Variants in TXNRD1 observed in about 807,000 individuals in gnomAD.
TXNRD1 encodes the protein thioredoxin reductase 1, cytoplasmic.
Under a neutral mutation model 80.3 loss-of-function variants are expected in TXNRD1, and 57 were observed. That is an observed-to-expected ratio of 0.71 (90% CI 0.57 to 0.89). The LOEUF (loss-of-function observed/expected upper bound fraction) is 0.89. Ranked by LOEUF, TXNRD1 falls within the 40% of genes least tolerant of loss-of-function variation. The pLI, the probability that TXNRD1 is intolerant of heterozygous loss-of-function variation, is 0.00. For synonymous variants in TXNRD1, 291 were observed against 285.2 expected (o/e 1.02, Z -0.20); for missense variants, 730 against 803.0 (o/e 0.91, Z 1.10).
intron 3 of TXNRD1, chr12:104,287,266 G>T: frequency 2.5e-6 from 4 of 1,613,912 alleles, no homozygotes; most frequent in Non-Finnish European, 3.4e-6. Context: ...CTGAGCAGAC[G>T]GGGAGGCTTT....
intron 13 of TXNRD1, among the ~76,000 whole-genome samples, chr12:104,328,158 C>A (rs1384059471): frequency 6.8e-6 from 1 of 147,724 alleles, no homozygotes; most frequent in Non-Finnish European, 1.5e-5. Flanking sequence ...GAGCGAGACT[C>A]CATCTAAAAA....
intron 4 of TXNRD1, among the ~76,000 whole-genome samples, chr12:104,298,197 A>G (rs957253779): frequency 1.3e-4 from 20 of 152,218 alleles, no homozygotes; most frequent in African/African-American, 4.8e-4. Context: ...CTAAGGAGCT[A>G]TTCCTGAGAA....
At chr12:104,277,501 T>A (rs2033781251) in intron 3 of TXNRD1, among the ~76,000 whole-genome samples, 1 of 152,074 alleles carries the variant, frequency 6.6e-6, no homozygotes, top group Non-Finnish European at 1.5e-5. Flanking sequence ...AGTTTGAGGC[T>A]GTGGTGAGCT....
chr12:104,220,830 T>A (rs1185485747), intron 1 of TXNRD1, among the ~76,000 whole-genome samples: 3 of 152,202 alleles, frequency 2.0e-5, no homozygotes, highest in Non-Finnish European at 4.4e-5. Context: ...ATGCCTTTTC[T>A]TTACCTTCAT....
chr12:104,306,427 A>G (rs1484811370), intron 4 of TXNRD1, among the ~76,000 whole-genome samples: 1 of 152,210 alleles, frequency 6.6e-6, no homozygotes, highest in Non-Finnish European at 1.5e-5. Flanking sequence ...CTTGATCCCT[A>G]TAGGAGCTTA....
chr12:104,324,998 A>G (rs565470935), intron 10 of TXNRD1, among the ~76,000 whole-genome samples: 1 of 152,336 alleles, frequency 6.6e-6, no homozygotes, highest in East Asian at 1.9e-4. Flanking sequence ...TGGGTGAATC[A>G]CAAGATAGAA....
intron 1 of TXNRD1, among the ~76,000 whole-genome samples, chr12:104,248,997 C>T (rs913186282): frequency 3.9e-5 from 6 of 152,094 alleles, no homozygotes; most frequent in East Asian, 1.9e-4. Flanking sequence ...AAATTACAAG[C>T]GAGAAATTAC....
intron 6 of TXNRD1, among the ~76,000 whole-genome samples, chr12:104,314,748 T>C (rs1565897164): frequency 6.8e-6 from 1 of 146,322 alleles, no homozygotes; most frequent in South Asian, 2.2e-4. Flanking sequence ...CTTTTTTTTT[T>C]TTTTTTTTTT....
At chr12:104,289,920 C>G (rs1385108472) in intron 4 of TXNRD1, among the ~76,000 whole-genome samples, 1 of 152,124 alleles carries the variant, frequency 6.6e-6, no homozygotes, top group Admixed American at 6.5e-5. Flanking sequence ...CCAGGCTGGT[C>G]TCAAACTCCT....
At chr12:104,337,777 T>A (rs1287713114) in intron 15 of TXNRD1, among the ~76,000 whole-genome samples, 1 of 151,858 alleles carries the variant, frequency 6.6e-6, no homozygotes, top group Non-Finnish European at 1.5e-5. Context: ...AAATTACTTT[T>A]AAAATTTTAT....
intron 4 of TXNRD1, chr12:104,289,465 G>A (rs1317251642): frequency 6.4e-6 from 1 of 157,196 alleles, no homozygotes; most frequent in African/African-American, 2.4e-5. Context: ...AATTCTCTCA[G>A]GGGTAGGGGA....
At chr12:104,335,348 C>T (rs1421253543) in intron 15 of TXNRD1, among the ~76,000 whole-genome samples, 5 of 151,914 alleles carry the variant, frequency 3.3e-5, no homozygotes. Flanking sequence ...ATTACAGGCA[C>T]CCACCACCAT....
chr12:104,237,383 T>A lies in TXNRD1; in HGVS notation c.92-14144T>A, dbSNP rs189656025. Among the ~76,000 whole-genome samples the A allele has an allele frequency of 1.6e-4, 24 of 152,288 alleles. No homozygotes were observed. In the East Asian group the frequency reaches 4.6e-3, roughly 29 times the overall value. On this transcript the variant is annotated intron_variant, in intron 1 of 16. Transcript: ENST00000525566. The stretch of plus-strand genomic sequence containing the variant: ...TGGGCTAATTACAAATTAAGCCAAT[T>A]AGCTTGGAGTTGCCTTGCAATGAAA...
intron 4 of TXNRD1, among the ~76,000 whole-genome samples, chr12:104,306,162 C>T (rs1016785085): frequency 7.9e-5 from 12 of 152,096 alleles, no homozygotes; most frequent in African/African-American, 2.7e-4. Flanking sequence ...CCTCGGCCTC[C>T]GGAAATGCTG....
chr12:104,313,649 T>C (rs1197308628), intron 6 of TXNRD1, among the ~76,000 whole-genome samples: 2 of 152,240 alleles, frequency 1.3e-5, no homozygotes, highest in African/African-American at 4.8e-5. Flanking sequence ...ATCTACCTCC[T>C]ACATTCAACA....
chr12:104,338,656 C>T (rs541189507), intron 15 of TXNRD1, among the ~76,000 whole-genome samples: 11 of 150,752 alleles, frequency 7.3e-5, no homozygotes, highest in African/African-American at 2.7e-4. Flanking sequence ...GAGATCGCGC[C>T]ATTGCACTCC....
intron 2 of TXNRD1, among the ~76,000 whole-genome samples, chr12:104,254,061 C>T (rs1054569907): frequency 1.1e-4 from 16 of 152,168 alleles, no homozygotes; most frequent in African/African-American, 3.4e-4. Flanking sequence ...GGTTAAGAGC[C>T]TGGACTCTAA....
rs1565870080 is a variant in TXNRD1, at chr12:104,267,661, C to CTTTCTTTCTTTCTTTCTTTCTTTG, written c.304+9605_304+9606insGTTTCTTTCTTTCTTTCTTTCTTT. ...GATGTGATGGTATCTTTCTTTCTTTCTTTCTTTCTTTCTTTCTTTCTTTCT... is the reference window on the plus strand; with the variant it reads ...GATGTGATGGTATCTTTCTTTCTTTCTTTCTTTCTTTCTTTCTTTCTTTGTTTCTTTCTTTCTTTCTTTCTTTCT... On this transcript the variant is annotated intron_variant, in intron 3 of 16. Transcript: ENST00000525566. Among the ~76,000 whole-genome samples the CTTTCTTTCTTTCTTTCTTTCTTTG allele has an allele frequency of 6.4e-3, 204 of 32,084 alleles. 2 individuals are homozygous for CTTTCTTTCTTTCTTTCTTTCTTTG. The highest frequency in any genetic ancestry group is 0.052 in the South Asian group (53 of 1,022). The allele number at this position is 32,084 out of a possible 152,430, so 21.0% of individuals were successfully genotyped here.
At chr12:104,253,166 G>A (rs1338106434) in intron 2 of TXNRD1, among the ~76,000 whole-genome samples, 2 of 151,784 alleles carry the variant, frequency 1.3e-5, no homozygotes, top group African/African-American at 2.4e-5. Context: ...TCTCTCTCTC[G>A]TTCTGCATGT....
Sources: gnomAD v4.1 joint callset for allele counts (sites outside exome capture counted in the v4.1 genomes callset) on GRCh38, gnomAD v4.1.1 for gene constraint, MANE v1.5 for transcripts, NCBI Gene and HGNC (gene_info 2026-07-23, HGNC 2026-07-21) for gene names.